Variants in TRMT1L observed in about 807,000 individuals in gnomAD.
TRMT1L encodes the protein tRNA (guanine(27)-N(2))-dimethyltransferase.
A neutral mutation model predicts 81.6 loss-of-function variants in TRMT1L; 28 were observed. The observed-to-expected ratio is 0.34, with a 90% CI of 0.25 to 0.47. TRMT1L has a LOEUF of 0.47. TRMT1L is among the 20% of genes least tolerant of loss of function. TRMT1L has a pLI of 1.00. For missense variants in TRMT1L, 739 were observed against 877.1 expected (o/e 0.84, Z 1.99); for synonymous variants, 301 against 303.2 (o/e 0.99, Z 0.07).
chr1:185,131,897 T>C (rs888912305), intron 10 of TRMT1L, among the ~76,000 whole-genome samples: 3 of 152,074 alleles, frequency 2.0e-5, no homozygotes, highest in African/African-American at 7.2e-5. Flanking sequence ...TCCCAGCACT[T>C]TGGGGAGACG....
rs778401376 is a variant in TRMT1L at position 185,120,072 on chromosome 1, C to T, written c.2149G>A (p.Val717Ile). The T allele has an allele frequency of 6.2e-7, 1 of 1,613,986 alleles. No homozygotes were observed. The highest frequency in any genetic ancestry group is 8.5e-7 in the Non-Finnish European group (1 of 1,179,928). Residue 717 changes from valine to isoleucine, a missense_variant, in exon 15 of 15, where the codon GTT becomes ATT. By Grantham distance (29) the Val-to-Ile change is conservative (BLOSUM62 3). Coordinates refer to ENST00000367506, the MANE Select transcript of TRMT1L (RefSeq NM_030934.5). ...GCTTTGTCATTCACTGACATTTCAA[C>T]TCTTTCAGTTACTGTATCTTCAGAT... The part of the protein sequence containing the change: ...SASEDTVTER[V>I]EMSVNDKAEA...
intron 10 of TRMT1L, among the ~76,000 whole-genome samples, chr1:185,130,455 G>T (rs1210926830): frequency 6.6e-6 from 1 of 152,158 alleles, no homozygotes; most frequent in Non-Finnish European, 1.5e-5. Flanking sequence ...CACAATGGGA[G>T]AACTGATTAT....
Position 185,144,023 on chromosome 1 carries a change from G to A in TRMT1L, c.662C>T (p.Thr221Ile). The A allele has an allele frequency of 6.3e-7, 1 of 1,590,518 alleles. No individual in the cohort carries two copies. Among genetic ancestry groups the A allele is most frequent in the Non-Finnish European group, 8.6e-7 (1 of 1,168,786 alleles). ...ETKSSYIAAS[T>I]AKPPKEILKE... ...CAAAATTTCCTTAGGTGGTTTAGCA[G>A]TGGAAGCTAAGATGGAAAAAAGAAA... The change falls in exon 6 of 15, where the codon ACT becomes ATT. Residue 221 changes from threonine (T) to isoleucine (I), a missense_variant. By Grantham distance (89) the Thr-to-Ile change is moderately conservative. Around this residue, in one of 4 missense-constraint regions of TRMT1L, gnomAD observed 331 missense variants for 462.2 expected, o/e 0.72. Transcript: ENST00000367506.
At chr1:185,137,109 T>G (rs1483407736) in intron 10 of TRMT1L, among the ~76,000 whole-genome samples, 1 of 152,184 alleles carries the variant, frequency 6.6e-6, no homozygotes, top group Non-Finnish European at 1.5e-5. Flanking sequence ...ACTGTTTCCA[T>G]GTCCCAGAAC....
chr1:185,137,871 C>CTGGACAGTATA, intron 9 of TRMT1L, 75 bp from the exon 10 acceptor site: 1 of 1,435,356 alleles, frequency 7.0e-7, no homozygotes, highest in Non-Finnish European at 9.6e-7. Flanking sequence ...ACAATATTAA[C>CTGGACAGTATA]CTGGACAGTA....
At position 185,139,381 on chromosome 1, in the gene TRMT1L, TACA is replaced by T. The variant is rs1557988945; in HGVS notation, c.1305_1307del (p.Val436del). On this transcript the variant is annotated inframe_deletion, in exon 9 of 15. Coordinates refer to ENST00000367506, the MANE Select transcript of TRMT1L (RefSeq NM_030934.5). The stretch of plus-strand genomic sequence containing the variant: ...CAATTTGGTACCTTGCCACTGCAGC[TACA>T]ACAATTCTGGCTGCTAGTTCCTTGT... 1 of 1,613,432 alleles carries T rather than the reference TACA, an allele frequency of 6.2e-7. No homozygotes were observed. Among genetic ancestry groups the T allele is most frequent in the Non-Finnish European group, 8.5e-7 (1 of 1,179,670 alleles).
chr1:185,143,521 T>A, intron 6 of TRMT1L, 85 bp from the exon 7 acceptor site: 1 of 1,233,316 alleles, frequency 8.1e-7, no homozygotes, highest in Non-Finnish European at 1.2e-6. Flanking sequence ...TGAACTGAAG[T>A]TCCTAGTTAC....
Position 185,156,486 on chromosome 1 carries a change from G to C in TRMT1L, c.227C>G (p.Ala76Gly). ...GGGCCTTCTGCACTTACTGCTTTTA[G>C]CCTCCTCAGGGGCAGAGGCTAGGGA... The part of the protein sequence containing the change: ...SPSLASAPEE[A>G]KSKRHISIQR... Residue 76 changes from alanine (A) to glycine (G), a missense_variant, in exon 1 of 15, where the codon GCT (alanine) becomes GGT (glycine). This residue lies in a region of TRMT1L where 209 missense variants were observed against 165.4 expected (regional missense o/e 1.26). Transcript: ENST00000367506. The C allele has an allele frequency of 1.2e-6, 2 of 1,613,922 alleles. No individual in the cohort carries two copies. The highest frequency in any genetic ancestry group is 1.7e-6 in the Non-Finnish European group (2 of 1,179,890).
intron 2 of TRMT1L, among the ~76,000 whole-genome samples, chr1:185,150,823 A>G (rs755718943): frequency 8.5e-5 from 13 of 152,204 alleles, no homozygotes; most frequent in Non-Finnish European, 1.8e-4. Context: ...TGTATTTTGG[A>G]CAGCTGAAAG....
chr1:185,129,862 T>C (rs1202501435), intron 10 of TRMT1L, among the ~76,000 whole-genome samples: 1 of 152,246 alleles, frequency 6.6e-6, no homozygotes, highest in East Asian at 1.9e-4. Flanking sequence ...TTGAGAACTA[T>C]GTTCCTCAAA....
At chr1:185,141,687 G>C (rs888515366) in intron 7 of TRMT1L, among the ~76,000 whole-genome samples, 1 of 151,662 alleles carries the variant, frequency 6.6e-6, no homozygotes, top group African/African-American at 2.4e-5. Flanking sequence ...CTGGGTGACA[G>C]AGCGAAACTC....
At chr1:185,123,825 G>A (rs1429348592) in intron 13 of TRMT1L, 32 bp downstream of exon 13, 1 of 1,358,286 alleles carries the variant, frequency 7.4e-7, no homozygotes, top group South Asian at 1.4e-5. Flanking sequence ...GACCTGATAT[G>A]TACATATGTA....
chr1:185,130,605 G>A (rs989041609), intron 10 of TRMT1L, among the ~76,000 whole-genome samples: 1 of 152,178 alleles, frequency 6.6e-6, no homozygotes, highest in Non-Finnish European at 1.5e-5. Flanking sequence ...ACTATAGAGA[G>A]GTATTGCAAA....
At chr1:185,146,178 C>T (rs1198419596) in intron 4 of TRMT1L, among the ~76,000 whole-genome samples, 2 of 151,938 alleles carry the variant, frequency 1.3e-5, no homozygotes, top group Non-Finnish European at 2.9e-5. Flanking sequence ...ATAACTCATT[C>T]ATTTTTAGGT....
Position 185,128,665 on chromosome 1 carries a change from A to G in TRMT1L, c.1592+4T>C. ...TTAATATGTTCTTATGGCTGGTCACATACCACAGAGGTCCAAGTTCTATTG... is the reference window on the plus strand; with the variant it reads ...TTAATATGTTCTTATGGCTGGTCACGTACCACAGAGGTCCAAGTTCTATTG... On this transcript the variant is annotated splice_donor_region_variant and intron_variant, in intron 11 of 14. Transcript: ENST00000367506. 1.2e-6 allele frequency: 2 copies of G among 1,612,736 alleles called. No individual in the cohort carries two copies. Among genetic ancestry groups the G allele is most frequent in the South Asian group, 1.1e-5 (1 of 90,922 alleles).
chr1:185,143,373 A>G lies in TRMT1L; in HGVS notation c.843T>C (p.Asp281=). The change falls in exon 7 of 15, where the codon GAT becomes GAC. Residue 281 remains aspartate, a synonymous_variant. Transcript: ENST00000367506. ...CTCACTTACCAGTGGCTCCAAAAGCATCTAGACATTCCAAAGGTTTTCGTT... is the reference window on the plus strand; with the variant it reads ...CTCACTTACCAGTGGCTCCAAAAGCGTCTAGACATTCCAAAGGTTTTCGTT... The part of the protein sequence containing the change: ...AEERKPLECL[D]AFGATGIMGL... 1.2e-6 allele frequency: 2 copies of G among 1,608,646 alleles called. No homozygotes were observed. The highest frequency in any genetic ancestry group is 1.7e-6 in the Non-Finnish European group (2 of 1,177,062).
chr1:185,127,723 C>T (rs1350168123), intron 11 of TRMT1L, among the ~76,000 whole-genome samples: 1 of 139,222 alleles, frequency 7.2e-6, no homozygotes, highest in Admixed American at 7.6e-5. Context: ...AGTGCCATTG[C>T]ACTCCAGGTT....
chr1:185,150,513 A>G, intron 2 of TRMT1L, 21 bp from the exon 3 acceptor site: 1 of 1,535,862 alleles, frequency 6.5e-7, no homozygotes, highest in South Asian at 1.1e-5. Context: ...AAAAAGAATC[A>G]ATAAACAACA....
At chr1:185,135,341 G>C (rs1294520971) in intron 10 of TRMT1L, among the ~76,000 whole-genome samples, 1 of 151,614 alleles carries the variant, frequency 6.6e-6, no homozygotes, top group African/African-American at 2.4e-5. Context: ...GCTTGAACCT[G>C]GGAGATGGAA....
Sources: gnomAD v4.1 joint callset for allele counts (sites outside exome capture counted in the v4.1 genomes callset) on GRCh38, gnomAD v4.1.1 for gene constraint, gnomAD v4.1.1 regional missense constraint, MANE v1.5 for transcripts, NCBI Gene and HGNC (gene_info 2026-07-23, HGNC 2026-07-21) for gene names.